VPS54: variants seen among roughly 807,000 people sequenced by gnomAD.
VPS54 encodes VPS54 subunit of GARP complex.
Under a neutral mutation model 121.5 loss-of-function variants are expected in VPS54, and 45 were observed. The ratio of observed to expected loss-of-function variants is 0.37; its 90% confidence interval spans 0.29 to 0.47. The LOEUF (loss-of-function observed/expected upper bound fraction) is 0.47, where lower values mean the gene tolerates loss of function less well. VPS54 is among the 20% of genes least tolerant of loss of function. The probability of loss-of-function intolerance (pLI) is 0.99; values close to 1 mark genes in which losing one functional copy is unlikely to be tolerated. For missense variants in VPS54, 1,090 were observed against 1,131.4 expected, an observed-to-expected ratio of 0.96 and a Z score of 0.52; for synonymous variants, 371 against 385.8, an observed-to-expected ratio of 0.96 and a Z score of 0.45.
At chr2:63,922,299 G>A (rs1218479480) in intron 12 of VPS54, among the ~76,000 whole-genome samples, 2 of 152,184 alleles carry the variant, frequency 1.3e-5, no homozygotes, top group Non-Finnish European at 2.9e-5. Flanking sequence ...CATGAGCCAA[G>A]TGAAGTACCT....
At chr2:63,957,053 T>C (rs760026349) in intron 7 of VPS54, among the ~76,000 whole-genome samples, 8 of 152,130 alleles carry the variant, frequency 5.3e-5, no homozygotes, top group Non-Finnish European at 1.0e-4. Flanking sequence ...ATACTTTTAG[T>C]TAAATTAGTA....
Position 63,942,468 on chromosome 2 carries a change from C to T in VPS54, c.1395G>A (p.Val465=). The T allele has an allele frequency of 1.3e-6, 2 of 1,581,392 alleles. No homozygotes were observed. The highest frequency in any genetic ancestry group is 2.3e-5 in the South Asian group (2 of 85,788). Residue 465 remains valine (V), a synonymous_variant, in exon 11 of 23, where the codon GTG becomes GTA. Transcript: ENST00000272322. ...FSKFTIFLQR[V]KATLNIIHSV... ...ACAAACTAATTTATAAGCTTACCTT[C>T]ACTCTCTGTAGGAAAATTGTAAACT...
At chr2:63,913,485 G>T (rs762013271) in intron 17 of VPS54, among the ~76,000 whole-genome samples, 175 bp from the exon 18 acceptor site, 1 of 152,050 alleles carries the variant, frequency 6.6e-6, no homozygotes, top group African/African-American at 2.4e-5. Flanking sequence ...GAGAAGGGGA[G>T]ATTCTAAATG....
At chr2:63,911,860 C>A (rs879453572) in intron 20 of VPS54, among the ~76,000 whole-genome samples, 3 of 152,098 alleles carry the variant, frequency 2.0e-5, no homozygotes, top group Non-Finnish European at 4.4e-5. Flanking sequence ...ATAGATCAAG[C>A]GTGATTGGGG....
chr2:63,927,262 G>A lies in VPS54; in HGVS notation c.1740-5927C>T, dbSNP rs375661050. 1.6e-4 allele frequency among the ~76,000 whole-genome samples: 25 copies of A among 152,270 alleles called. No individual in the cohort carries two copies. In the East Asian group the frequency reaches 3.7e-3, roughly 22 times the overall value. ...GGGAGACACCTCCCAGTAGGGGGCC[G>A]ACAGACACCTCATACAGGTGGGTGC... On this transcript the variant is annotated intron_variant, in intron 12 of 22. Coordinates refer to ENST00000272322, the MANE Select transcript of VPS54 (RefSeq NM_016516.3).
chr2:63,954,564 A>T (rs1267739057), intron 7 of VPS54, among the ~76,000 whole-genome samples: 4 of 152,140 alleles, frequency 2.6e-5, no homozygotes, highest in Admixed American at 6.5e-5. Context: ...ATAAGTAAAG[A>T]AAGTGGGATA....
intron 7 of VPS54, among the ~76,000 whole-genome samples, chr2:63,957,796 A>G (rs973144588): frequency 3.3e-5 from 5 of 152,312 alleles, no homozygotes; most frequent in Middle Eastern, 3.4e-3. Flanking sequence ...TGAGTATCCA[A>G]TAGTAGTTAT....
chr2:64,004,138 T>C (rs1460662175), intron 1 of VPS54, among the ~76,000 whole-genome samples: 1 of 149,958 alleles, frequency 6.7e-6, no homozygotes, highest in Non-Finnish European at 1.5e-5. Context: ...GAGTATAACA[T>C]ATGGAATAAG....
chr2:64,005,757 T>C (rs1431310013), intron 1 of VPS54, among the ~76,000 whole-genome samples: 1 of 152,292 alleles, frequency 6.6e-6, no homozygotes, highest in South Asian at 2.1e-4. Flanking sequence ...CTCACCCCGG[T>C]TGAGAACCAC....
intron 12 of VPS54, among the ~76,000 whole-genome samples, chr2:63,924,316 C>G (rs76762775): frequency 0.018 from 2,684 of 152,284 alleles, 34 homozygotes; most frequent in Non-Finnish European, 0.022. Context: ...TGTAATTATT[C>G]TGGCCACTAG....
At chr2:63,896,200 C>A (rs889435658) in intron 22 of VPS54, among the ~76,000 whole-genome samples, 7 of 152,104 alleles carry the variant, frequency 4.6e-5, no homozygotes, top group African/African-American at 1.7e-4. Flanking sequence ...GTTGGTATAA[C>A]GCTATTAATG....
At chr2:63,976,952 C>G (rs1174505584) in intron 3 of VPS54, among the ~76,000 whole-genome samples, 2 of 151,584 alleles carry the variant, frequency 1.3e-5, no homozygotes, top group South Asian at 4.2e-4. Flanking sequence ...CCTCAGCCTC[C>G]CAAGTAGCTG....
At chr2:64,005,009 C>T (rs1041202186) in intron 1 of VPS54, among the ~76,000 whole-genome samples, 2 of 148,348 alleles carry the variant, frequency 1.3e-5, no homozygotes, top group African/African-American at 4.9e-5. Flanking sequence ...AACTCCTGGG[C>T]TCAGGCAGTC....
In VPS54 at chr2:63,934,643, T is replaced by C. The variant is rs549890058; in HGVS notation, c.1399-630A>G. 7.9e-5 allele frequency among the ~76,000 whole-genome samples: 12 copies of C among 152,214 alleles called. No homozygotes were observed. The South Asian group carries it at 2.5e-3, about 32-fold the overall frequency. On this transcript the variant is annotated intron_variant, in intron 11 of 22. Transcript: ENST00000272322. ...TCCCTGAATCTCCACCCAGCAACTC[T>C]ATCCCATTATCCAGTTTTTGTAAAA... is the stretch of plus-strand genomic sequence containing the variant.
intron 1 of VPS54, among the ~76,000 whole-genome samples, chr2:64,018,339 T>C (rs1678806135): frequency 6.6e-6 from 1 of 152,154 alleles, no homozygotes; most frequent in African/African-American, 2.4e-5. Flanking sequence ...CTAATTATAA[T>C]TGGCAAGCCA....
At chr2:63,976,962 G>C (rs1377316867) in intron 3 of VPS54, among the ~76,000 whole-genome samples, 1 of 151,218 alleles carries the variant, frequency 6.6e-6, no homozygotes, top group East Asian at 1.9e-4. Context: ...CCAAGTAGCT[G>C]GGATGACAGG....
chr2:63,961,421 G>A (rs998365421), intron 7 of VPS54, among the ~76,000 whole-genome samples: 1 of 152,158 alleles, frequency 6.6e-6, no homozygotes, highest in African/African-American at 2.4e-5. Context: ...TTACTAGTAC[G>A]TGGTTTGGAT....
intron 7 of VPS54, among the ~76,000 whole-genome samples, chr2:63,960,731 A>C (rs554933766): frequency 1.3e-5 from 2 of 152,346 alleles, no homozygotes; most frequent in African/African-American, 4.8e-5. Flanking sequence ...ACATTTATTG[A>C]AAAAATACAT....
intron 11 of VPS54, among the ~76,000 whole-genome samples, chr2:63,937,568 T>C (rs1256091223): frequency 6.6e-6 from 1 of 152,196 alleles, no homozygotes; most frequent in African/African-American, 2.4e-5. Context: ...ACAGCTGCTA[T>C]GGAGAACAGT....
Sources: gnomAD v4.1 joint callset for allele counts (sites outside exome capture counted in the v4.1 genomes callset) on GRCh38, gnomAD v4.1.1 for gene constraint, MANE v1.5 for transcripts, NCBI Gene and HGNC (gene_info 2026-07-23, HGNC 2026-07-21) for gene names.